The following LRRTM3 variants were observed in gnomAD, a reference collection of about 807,000 sequenced individuals.
The protein encoded by LRRTM3 is leucine-rich repeat transmembrane neuronal protein 3.
In LRRTM3, 24 loss-of-function variants were observed where a neutral mutation model predicts 44.7. That is an observed-to-expected ratio of 0.54 (90% CI 0.39 to 0.76). LRRTM3 has a LOEUF of 0.76. LRRTM3 is among the 30% of genes least tolerant of loss of function. LRRTM3 has a pLI of 0.00. For missense variants in LRRTM3, 587 were observed against 702.2 expected (o/e 0.84, Z 1.85); for synonymous variants, 277 against 278.7 (o/e 0.99, Z 0.06).
chr10:66,982,763 T>C (rs1850513431), intron 2 of LRRTM3, among the ~76,000 whole-genome samples: 1 of 151,986 alleles, frequency 6.6e-6, no homozygotes, highest in Non-Finnish European at 1.5e-5. Context: ...AAGTAGCAAA[T>C]AGATTAAAAT....
At chr10:67,003,048 C>A (rs1851773735) in intron 2 of LRRTM3, among the ~76,000 whole-genome samples, 1 of 152,054 alleles carries the variant, frequency 6.6e-6, no homozygotes, top group African/African-American at 2.4e-5. Flanking sequence ...TGGTTATGTT[C>A]ATAGGCCACT....
intron 2 of LRRTM3, among the ~76,000 whole-genome samples, chr10:67,069,991 A>G (rs1439903668): frequency 1.3e-5 from 2 of 152,170 alleles, no homozygotes; most frequent in African/African-American, 2.4e-5. Flanking sequence ...TTTTCCAAAG[A>G]TGTTTCCATT....
rs57487066 is a variant in LRRTM3, at chr10:67,048,834, G to A, written c.1537-48753G>A. ...CATAATAGTAACATGATGTCTCACC[G>A]TTCCCAGCTCATCACATGTTCTAAA... On this transcript the variant is annotated intron_variant, in intron 2 of 2. Coordinates refer to ENST00000361320, the MANE Select transcript of LRRTM3 (RefSeq NM_178011.5). 4.2e-3 allele frequency among the ~76,000 whole-genome samples: 640 copies of A among 152,086 alleles called. 5 individuals carry two copies. Among genetic ancestry groups the A allele is most frequent in the African/African-American group, 0.015 (603 of 41,520 alleles).
intron 2 of LRRTM3, among the ~76,000 whole-genome samples, chr10:67,060,279 C>T (rs1855686980): frequency 6.6e-6 from 1 of 152,098 alleles, no homozygotes; most frequent in African/African-American, 2.4e-5. Flanking sequence ...GATTGTGCCA[C>T]TATACTCCAG....
intron 2 of LRRTM3, 129 bp downstream of exon 2, chr10:66,928,581 A>T: frequency 1.2e-6 from 1 of 827,524 alleles, no homozygotes; most frequent in Non-Finnish European, 1.8e-6. Context: ...CTTTGCTGGC[A>T]AGATCCTTCC....
chr10:66,951,651 A>C (rs200155888), intron 2 of LRRTM3, among the ~76,000 whole-genome samples: 2 of 93,620 alleles, frequency 2.1e-5, no homozygotes, highest in African/African-American at 8.6e-5. Context: ...TAACCACACT[A>C]TTGGCTTTTG....
intron 2 of LRRTM3, among the ~76,000 whole-genome samples, chr10:67,067,014 G>A (rs1196630030): frequency 6.6e-6 from 1 of 152,116 alleles, no homozygotes; most frequent in Non-Finnish European, 1.5e-5. Context: ...GCAATTATGT[G>A]TCAATTCAGA....
At chr10:67,012,638 C>T (rs1852408603) in intron 2 of LRRTM3, among the ~76,000 whole-genome samples, 1 of 152,094 alleles carries the variant, frequency 6.6e-6, no homozygotes, top group Non-Finnish European at 1.5e-5. Context: ...TTATACCCAA[C>T]ATACCTAAAG....
At chr10:66,973,808 G>T (rs1490584862) in intron 2 of LRRTM3, among the ~76,000 whole-genome samples, 1 of 151,946 alleles carries the variant, frequency 6.6e-6, no homozygotes, top group Non-Finnish European at 1.5e-5. Context: ...TATTTTTACT[G>T]AGATGGGGTT....
chr10:67,069,408 G>T (rs933463184), intron 2 of LRRTM3, among the ~76,000 whole-genome samples: 1 of 151,700 alleles, frequency 6.6e-6, no homozygotes, highest in African/African-American at 2.4e-5. Context: ...CTCAAAAAAC[G>T]CTCATTGTAA....
At chr10:67,069,299 T>A (rs1440216692) in intron 2 of LRRTM3, among the ~76,000 whole-genome samples, 1 of 152,068 alleles carries the variant, frequency 6.6e-6, no homozygotes, top group African/African-American at 2.4e-5. Context: ...TCTAGTGCAT[T>A]TCTTTTACCC....
chr10:67,076,866 C>T (rs1350067257), intron 2 of LRRTM3, among the ~76,000 whole-genome samples: 1 of 152,154 alleles, frequency 6.6e-6, no homozygotes, highest in African/African-American at 2.4e-5. Context: ...ATTCCTCTGG[C>T]CCAAACCTCT....
At chr10:66,976,037 G>T (rs1348346304) in intron 2 of LRRTM3, among the ~76,000 whole-genome samples, 1 of 152,036 alleles carries the variant, frequency 6.6e-6, no homozygotes, top group Non-Finnish European at 1.5e-5. Flanking sequence ...CTGTATAAAA[G>T]GCCCAATAAT....
At chr10:67,073,739 T>C (rs989366609) in intron 2 of LRRTM3, among the ~76,000 whole-genome samples, 1 of 151,716 alleles carries the variant, frequency 6.6e-6, no homozygotes, top group Non-Finnish European at 1.5e-5. Context: ...ATAAACAAAA[T>C]AGAGATCAAA....
At chr10:66,940,341 A>C (rs1847934033) in intron 2 of LRRTM3, among the ~76,000 whole-genome samples, 1 of 152,098 alleles carries the variant, frequency 6.6e-6, no homozygotes, top group Non-Finnish European at 1.5e-5. Flanking sequence ...AAAAAATGAA[A>C]AAAAATTACC....
chr10:67,024,231 T>A (rs538229343), intron 2 of LRRTM3, among the ~76,000 whole-genome samples: 13 of 152,316 alleles, frequency 8.5e-5, no homozygotes, highest in Admixed American at 7.8e-4. Flanking sequence ...ATGTGGCATC[T>A]TCAAATTTTT....
At chr10:66,944,829 C>CA (rs1184572722) in intron 2 of LRRTM3, among the ~76,000 whole-genome samples, 1 of 152,278 alleles carries the variant, frequency 6.6e-6, no homozygotes, top group Non-Finnish European at 1.5e-5. Flanking sequence ...ATGTATATGT[C>CA]CATCAGAGCT....
At position 67,086,350 on chromosome 10, in the gene LRRTM3, A is replaced by G. The variant is rs150188056; in HGVS notation, c.1537-11237A>G. ...TATCACTTCATTTAGTTGGGACAGA[A>G]TATCACTTCATTTAGTTGGGAGATA... is the stretch of plus-strand genomic sequence containing the variant. On this transcript the variant is annotated intron_variant, in intron 2 of 2. Coordinates refer to ENST00000361320, the MANE Select transcript of LRRTM3 (RefSeq NM_178011.5). Among the ~76,000 whole-genome samples, 1,071 of 152,144 alleles carry G rather than the reference A, an allele frequency of 7.0e-3. 16 individuals carry two copies. Among genetic ancestry groups the G allele is most frequent in the African/African-American group, 0.025 (1,026 of 41,556 alleles).
In LRRTM3 at chr10:66,935,710, ATGTACCAGGAATT is replaced by A. The variant is rs550301006; in HGVS notation, c.1536+7263_1536+7275del. On this transcript the variant is annotated intron_variant, in intron 2 of 2. Transcript: ENST00000361320. ...ATTTTGGTATAATTGAGTCCTTATT[ATGTACCAGGAATT>A]TGTATATATTATCTAATGATTTGAT... Among the ~76,000 whole-genome samples the A allele has an allele frequency of 2.7e-3, 418 of 152,122 alleles. 5 individuals carry two copies. Among genetic ancestry groups the A allele is most frequent in the African/African-American group, 9.8e-3 (408 of 41,502 alleles).
Sources: gnomAD v4.1 joint callset for allele counts (sites outside exome capture counted in the v4.1 genomes callset) on GRCh38, gnomAD v4.1.1 for gene constraint, MANE v1.5 for transcripts, NCBI Gene and HGNC (gene_info 2026-07-23, HGNC 2026-07-21) for gene names.